The following RAD51B variants were observed in gnomAD, a reference collection of about 807,000 sequenced individuals.
RAD51B encodes DNA repair protein RAD51 homolog 2.
Under a neutral mutation model 42.2 loss-of-function variants are expected in RAD51B, and 38 were observed. The observed-to-expected ratio is 0.90, with a 90% confidence interval of 0.70 to 1.18. The LOEUF (loss-of-function observed/expected upper bound fraction) is 1.18, where lower values mean the gene tolerates loss of function less well. Ranked by LOEUF, RAD51B falls within the 50% of genes most tolerant of loss-of-function variation. The probability of loss-of-function intolerance (pLI) is 0.00; values close to 1 mark genes in which losing one functional copy is unlikely to be tolerated. For missense variants in RAD51B, 373 were observed against 400.7 expected, an observed-to-expected ratio of 0.93 and a Z score of 0.59; for synonymous variants, 154 against 145.2, an observed-to-expected ratio of 1.06 and a Z score of -0.43.
intron 4 of RAD51B, among the ~76,000 whole-genome samples, chr14:67,838,505 C>T (rs1441832164): frequency 1.3e-5 from 2 of 152,006 alleles, no homozygotes; most frequent in African/African-American, 4.8e-5. Flanking sequence ...TGCAGTGGCA[C>T]AACCATAGCT....
chr14:68,064,433 C>A (rs999823007), intron 7 of RAD51B, among the ~76,000 whole-genome samples: 30 of 152,134 alleles, frequency 2.0e-4, no homozygotes, highest in African/African-American at 7.2e-4. Flanking sequence ...CGGAGAGGAC[C>A]TTATTGGTTT....
chr14:67,837,634 C>A (rs1594977158), intron 4 of RAD51B, among the ~76,000 whole-genome samples: 1 of 151,390 alleles, frequency 6.6e-6, no homozygotes, highest in Non-Finnish European at 1.5e-5. Context: ...TATCCTCAAA[C>A]AGAGTTTTTT....
At chr14:68,466,242 A>G (rs1041702983) in intron 9 of RAD51B, among the ~76,000 whole-genome samples, 3 of 152,232 alleles carry the variant, frequency 2.0e-5, no homozygotes, top group African/African-American at 4.8e-5. Context: ...TAAGGGAACC[A>G]TATGTGATGG....
chr14:68,680,584 C>T (rs771482009), intron 11 of RAD51B, among the ~76,000 whole-genome samples: 2 of 152,192 alleles, frequency 1.3e-5, no homozygotes, highest in Non-Finnish European at 2.9e-5. Context: ...ACACCACCGT[C>T]CCGTTCCTCT....
chr14:68,101,832 G>A (rs984243669), intron 7 of RAD51B, among the ~76,000 whole-genome samples: 4 of 152,222 alleles, frequency 2.6e-5, no homozygotes, highest in Non-Finnish European at 5.9e-5. Context: ...TCTCTGAGGG[G>A]GCTCCAACCC....
chr14:68,354,261 G>A (rs1270191980), intron 8 of RAD51B, among the ~76,000 whole-genome samples: 2 of 128,740 alleles, frequency 1.6e-5, no homozygotes, highest in African/African-American at 6.4e-5. Context: ...TCTGTTGCCA[G>A]TCTGGAGTGC....
intron 7 of RAD51B, among the ~76,000 whole-genome samples, chr14:68,140,724 G>C (rs756103467): frequency 2.9e-4 from 44 of 152,182 alleles, no homozygotes; most frequent in African/African-American, 7.2e-4. Context: ...CACAGAGTTA[G>C]GTCTGGTAGA....
intron 10 of RAD51B, among the ~76,000 whole-genome samples, chr14:68,593,977 G>A (rs1375527257): frequency 6.6e-6 from 1 of 152,196 alleles, no homozygotes; most frequent in Non-Finnish European, 1.5e-5. Context: ...AGCGGCTTGG[G>A]AAAGGAATGG....
intron 7 of RAD51B, among the ~76,000 whole-genome samples, chr14:68,179,209 C>T (rs140385801): frequency 5.3e-5 from 8 of 152,108 alleles, no homozygotes; most frequent in East Asian, 1.9e-4. Context: ...TTCCTTGCTG[C>T]GCTAGTATGC....
At chr14:68,219,211 C>G (rs77816847) in intron 7 of RAD51B, among the ~76,000 whole-genome samples, 1 of 152,156 alleles carries the variant, frequency 6.6e-6, no homozygotes, top group Non-Finnish European at 1.5e-5. Flanking sequence ...TGAGGATGCA[C>G]TATGAAGGAA....
At chr14:68,495,625 CTG>C (rs138207410) in intron 10 of RAD51B, among the ~76,000 whole-genome samples, 21,154 of 152,126 alleles carry the variant, frequency 0.14, 1,988 homozygotes, top group Non-Finnish European at 0.21. Flanking sequence ...TGACGACACA[CTG>C]TGGGGCTCAG....
At chr14:67,907,557 T>C (rs964403687) in intron 7 of RAD51B, among the ~76,000 whole-genome samples, 4 of 152,094 alleles carry the variant, frequency 2.6e-5, no homozygotes, top group African/African-American at 9.7e-5. Flanking sequence ...ATTTTTTAGT[T>C]AATGCTTGTA....
intron 7 of RAD51B, among the ~76,000 whole-genome samples, chr14:68,166,934 C>T (rs1273399189): frequency 6.6e-6 from 1 of 152,152 alleles, no homozygotes; most frequent in Admixed American, 6.5e-5. Flanking sequence ...ATACTTTATG[C>T]CCCTTATCTC....
Position 68,477,528 on chromosome 14 carries a change from T to C in RAD51B, c.1037-120T>C, listed in dbSNP as rs5004090. On this transcript the variant is annotated intron_variant, in intron 10 of 10. Transcript: ENST00000471583. The stretch of plus-strand genomic sequence containing the variant: ...GCAAGGCCAGTGGCTCTGTGGGCAA[T>C]ACGTATGAAAGAGGACTGCTGTTGG... The C allele has an allele frequency of 0.4, 481,875 of 1,211,124 alleles. 99,219 individuals carry two copies. The highest frequency in any genetic ancestry group is 0.57 in the East Asian group (22,530 of 39,402). The allele number at this position is 1,211,124 out of a possible 1,614,324, so 75.0% of individuals were successfully genotyped here. A position where few individuals can be genotyped will look rare whatever the true frequency, so the allele number is the denominator to read the frequency against.
intron 10 of RAD51B, among the ~76,000 whole-genome samples, chr14:68,568,102 A>G (rs1889511776): frequency 6.6e-6 from 1 of 152,246 alleles, no homozygotes; most frequent in Non-Finnish European, 1.5e-5. Flanking sequence ...AACAGCTACT[A>G]TGTACTAACC....
At chr14:68,140,442 C>G (rs1450951123) in intron 7 of RAD51B, among the ~76,000 whole-genome samples, 2 of 152,216 alleles carry the variant, frequency 1.3e-5, no homozygotes, top group Non-Finnish European at 2.9e-5. Context: ...AGGACCTTAG[C>G]AATAACCCCT....
intron 7 of RAD51B, among the ~76,000 whole-genome samples, chr14:68,179,634 A>AGAAATTGATAATATTTATAT (rs1483638004): frequency 2.0e-5 from 3 of 152,224 alleles, no homozygotes; most frequent in African/African-American, 7.2e-5. Flanking sequence ...TAATACACAT[A>AGAAATTGATAATATTTATAT]GAAATTGATA....
At chr14:68,572,996 T>C (rs1243629322) in intron 10 of RAD51B, among the ~76,000 whole-genome samples, 1 of 152,120 alleles carries the variant, frequency 6.6e-6, no homozygotes, top group Non-Finnish European at 1.5e-5. Flanking sequence ...CCACAGGTCA[T>C]ATGTGATGGA....
chr14:68,072,559 C>T (rs551053819), intron 7 of RAD51B, among the ~76,000 whole-genome samples: 2 of 152,242 alleles, frequency 1.3e-5, no homozygotes, highest in South Asian at 4.1e-4. Flanking sequence ...CCTTCCCCAG[C>T]CCTCTGACTC....
Sources: gnomAD v4.1 joint callset for allele counts (sites outside exome capture counted in the v4.1 genomes callset) on GRCh38, gnomAD v4.1.1 for gene constraint, MANE v1.5 for transcripts, NCBI Gene and HGNC (gene_info 2026-07-23, HGNC 2026-07-21) for gene names.